FGD4: variants seen among roughly 807,000 people sequenced by gnomAD.
FGD4 encodes FYVE, RhoGEF and PH domain-containing protein 4.
Under a neutral mutation model 102.0 loss-of-function variants are expected in FGD4, and 42 were observed. That is an observed-to-expected ratio of 0.41 (90% CI 0.32 to 0.53). The LOEUF (loss-of-function observed/expected upper bound fraction) is 0.53. FGD4 is among the 20% of genes least tolerant of loss of function. The pLI is 0.21. For synonymous variants in FGD4, 380 were observed against 375.7 expected (o/e 1.01, Z -0.13); for missense variants, 902 against 1,078.2 (o/e 0.84, Z 2.29).
At position 32,399,656 on chromosome 12, in the gene FGD4, A is replaced by G; in HGVS notation, c.-138A>G. On this transcript the variant is annotated 5_prime_UTR_variant, in exon 1 of 17. Transcript: ENST00000534526. Reference sequence around the variant, plus strand: ...ACCGGGAAGGAGAGGGAGAGGAGGCACTCGCTGAGGAGACGCCGCAGTAGA... The same window carrying G: ...ACCGGGAAGGAGAGGGAGAGGAGGCGCTCGCTGAGGAGACGCCGCAGTAGA... The G allele has an allele frequency of 7.1e-7, 1 of 1,418,324 alleles. No homozygotes were observed. 87.9% of individuals were successfully genotyped at this position (1,418,324 alleles called of 1,614,324 possible).
chr12:32,579,251 T>G (rs1262615418), intron 3 of FGD4, among the ~76,000 whole-genome samples: 1 of 152,044 alleles, frequency 6.6e-6, no homozygotes, highest in Non-Finnish European at 1.5e-5. Context: ...TTCTCCATGT[T>G]GAGGCTGGGC....
chr12:32,630,298 A>G (rs1401881804), intron 14 of FGD4, among the ~76,000 whole-genome samples: 2 of 152,214 alleles, frequency 1.3e-5, no homozygotes, highest in Non-Finnish European at 2.9e-5. Flanking sequence ...TGTCATACTG[A>G]CAGCAGCAAG....
chr12:32,591,104 A>C (rs995780010), intron 4 of FGD4, among the ~76,000 whole-genome samples: 1 of 152,214 alleles, frequency 6.6e-6, no homozygotes, highest in African/African-American at 2.4e-5. Context: ...TCTTTACCAG[A>C]GAATGGGCTT....
intron 1 of FGD4, among the ~76,000 whole-genome samples, chr12:32,562,740 C>A (rs1322346909): frequency 2.6e-5 from 4 of 152,122 alleles, no homozygotes; most frequent in Admixed American, 1.3e-4. Flanking sequence ...AAAAGGTCAC[C>A]GATCAACAGG....
chr12:32,623,461 T>A (rs933605875), intron 11 of FGD4, among the ~76,000 whole-genome samples: 2 of 152,124 alleles, frequency 1.3e-5, no homozygotes, highest in African/African-American at 4.8e-5. Flanking sequence ...TCCTGGCACA[T>A]CATGGTGTTC....
At chr12:32,623,854 T>C (rs1949992380) in intron 11 of FGD4, among the ~76,000 whole-genome samples, 1 of 152,228 alleles carries the variant, frequency 6.6e-6, no homozygotes, top group Non-Finnish European at 1.5e-5. Flanking sequence ...CTGTAAAACC[T>C]CCTTCCTACA....
chr12:32,523,227 A>G (rs1216133580), intron 1 of FGD4, among the ~76,000 whole-genome samples: 3 of 152,202 alleles, frequency 2.0e-5, no homozygotes, highest in Non-Finnish European at 4.4e-5. Flanking sequence ...AAGCAAGGAG[A>G]GGCTGCTGAG....
Position 32,625,734 on chromosome 12 carries a change from C to A in FGD4, c.2127C>A (p.Phe709Leu). ...VTMCMKCKEP[F>L]NALTRRRHHC... Reference sequence around the variant, plus strand: ...TGTGTATGAAATGTAAAGAACCTTTCAATGCACTGACACGAAGGAGGCATC... The same window carrying A: ...TGTGTATGAAATGTAAAGAACCTTTAAATGCACTGACACGAAGGAGGCATC... The change falls in exon 14 of 17, where the codon TTC becomes TTA. Residue 709 changes from phenylalanine (F) to leucine (L), a missense_variant. By Grantham distance (22) the Phe-to-Leu change is conservative. Around this residue, in one of 2 missense-constraint regions of FGD4, gnomAD observed 459 missense variants for 619.0 expected, o/e 0.74. Transcript: ENST00000534526. 1 of 1,613,948 alleles carries A rather than the reference C, an allele frequency of 6.2e-7. No homozygotes were observed. The highest frequency in any genetic ancestry group is 8.5e-7 in the Non-Finnish European group (1 of 1,179,984).
At chr12:32,633,784 C>T (rs1043757554) in intron 15 of FGD4, 95 bp downstream of exon 15, 1 of 1,119,614 alleles carries the variant, frequency 8.9e-7, no homozygotes, top group Non-Finnish European at 1.3e-6. Context: ...GGCACGATCT[C>T]AGCTCACTGC....
Position 32,619,853 on chromosome 12 carries a change from A to G in FGD4, c.1905A>G (p.Thr635=), listed in dbSNP as rs572887361. The part of the protein sequence containing the change: ...HTFQVSGKER[T]LELQASSAQD... ...TCCAGGTGTCTGGGAAAGAGAGAAC[A>G]CTGGAACTGCAGGCCAGGTAAGGGA... The change falls in exon 11 of 17, where the codon ACA becomes ACG. Residue 635 remains threonine, a synonymous_variant. Transcript: ENST00000534526. The G allele has an allele frequency of 6.8e-5, 110 of 1,614,186 alleles. 2 individuals are homozygous for G. The South Asian group carries it at 1.1e-3, about 16-fold the overall frequency.
At chr12:32,516,089 G>GA (rs913839407) in intron 1 of FGD4, among the ~76,000 whole-genome samples, 1 of 151,922 alleles carries the variant, frequency 6.6e-6, no homozygotes, top group Admixed American at 6.6e-5. Flanking sequence ...GAAACCAGGA[G>GA]AAAAATAACA....
chr12:32,604,494 G>C (rs1948639326), intron 7 of FGD4, among the ~76,000 whole-genome samples: 1 of 152,102 alleles, frequency 6.6e-6, no homozygotes, highest in Non-Finnish European at 1.5e-5. Flanking sequence ...CAAGTTCCCT[G>C]ATTCTTCTGT....
At position 32,595,459 on chromosome 12, in the gene FGD4, G is replaced by A. The variant is rs73307302; in HGVS notation, c.1012-3038G>A. Among the ~76,000 whole-genome samples, 653 of 152,232 alleles carry A rather than the reference G, an allele frequency of 4.3e-3. 7 individuals are homozygous for A. The highest frequency in any genetic ancestry group is 0.015 in the African/African-American group (623 of 41,540). The stretch of plus-strand genomic sequence containing the variant: ...CTCCATATACTCTCATTCTCTGGGA[G>A]CCTGAAATGTCTTCCCATTGGGCTC... On this transcript the variant is annotated intron_variant, in intron 4 of 16. Coordinates refer to ENST00000534526, the MANE Select transcript of FGD4 (RefSeq NM_001370298.3).
chr12:32,453,204 A>T lies in FGD4; in HGVS notation c.166+53245A>T, dbSNP rs867844461. Among the ~76,000 whole-genome samples, 81 of 48,582 alleles carry T rather than the reference A, an allele frequency of 1.7e-3. 2 individuals are homozygous for T. The Middle Eastern group carries it at 0.11, about 65-fold the overall frequency. 31.9% of individuals were successfully genotyped at this position (48,582 alleles called of 152,430 possible). On this transcript the variant is annotated intron_variant, in intron 1 of 16. Coordinates refer to ENST00000534526, the MANE Select transcript of FGD4 (RefSeq NM_001370298.3). ...TATATATATTTTATATATATATTAT[A>T]TATATATATATATATAATATAGATA...
chr12:32,596,302 G>C (rs965610015), intron 4 of FGD4, among the ~76,000 whole-genome samples: 2 of 152,222 alleles, frequency 1.3e-5, no homozygotes, highest in African/African-American at 2.4e-5. Context: ...AAGCATCTTA[G>C]ACACCTAGAG....
chr12:32,407,799 C>T (rs1941008481), intron 1 of FGD4, among the ~76,000 whole-genome samples: 1 of 152,106 alleles, frequency 6.6e-6, no homozygotes, highest in African/African-American at 2.4e-5. Context: ...CGACCTGTCA[C>T]TTCAGACTTG....
Position 32,623,506 on chromosome 12 carries a change from CACAA to C in FGD4, c.1923-911_1923-908del, listed in dbSNP as rs755041407. Among the ~76,000 whole-genome samples, 11 of 152,216 alleles carry C rather than the reference CACAA, an allele frequency of 7.2e-5. 2 individuals are homozygous for C. Among genetic ancestry groups the C allele is most frequent in the Admixed American group, 1.3e-4 (2 of 15,284 alleles). On this transcript the variant is annotated intron_variant, in intron 11 of 16. Transcript: ENST00000534526. ...TTTGCTGGAAAGATAGATCGTGACA[CACAA>C]ACAATCCTTCAGCCAGTCTCATGCA... is the stretch of plus-strand genomic sequence containing the variant.
At chr12:32,528,235 C>T (rs996382095) in intron 1 of FGD4, among the ~76,000 whole-genome samples, 1 of 152,166 alleles carries the variant, frequency 6.6e-6, no homozygotes, top group African/African-American at 2.4e-5. Flanking sequence ...CCGCACTGGG[C>T]TAGTAAAGTT....
At chr12:32,571,808 T>C (rs766116837) in intron 2 of FGD4, among the ~76,000 whole-genome samples, 8 of 151,998 alleles carry the variant, frequency 5.3e-5, no homozygotes, top group African/African-American at 1.2e-4. Flanking sequence ...AAGCTTACAA[T>C]GGAAGATGCA....
Sources: gnomAD v4.1 joint callset for allele counts (sites outside exome capture counted in the v4.1 genomes callset) on GRCh38, gnomAD v4.1.1 for gene constraint, gnomAD v4.1.1 regional missense constraint, MANE v1.5 for transcripts, NCBI Gene and HGNC (gene_info 2026-07-23, HGNC 2026-07-21) for gene names.